Variants in FGD5 observed in about 807,000 individuals in gnomAD.
FGD5 encodes the protein FYVE, RhoGEF and PH domain containing 5.
A neutral mutation model predicts 133.4 loss-of-function variants in FGD5; 28 were observed. The ratio of observed to expected loss-of-function variants is 0.21; its 90% CI spans 0.16 to 0.29. FGD5 has a LOEUF of 0.29. Among genes scored for constraint, FGD5 ranks in the 10% least tolerant of loss-of-function variants. FGD5 has a pLI of 1.00. For missense variants in FGD5, 1,858 were observed against 1,895.2 expected, an observed-to-expected ratio of 0.98 and a Z score of 0.36; for synonymous variants, 810 against 776.5, an observed-to-expected ratio of 1.04 and a Z score of -0.72.
intron 3 of FGD5, 32 bp from the exon 4 acceptor site, chr3:14,880,710 T>A: frequency 6.2e-7 from 1 of 1,614,030 alleles, no homozygotes; most frequent in South Asian, 1.1e-5. Context: ...GGATGGGGAT[T>A]AATGCAGCCT....
At position 14,812,913 on chromosome 3, in the gene FGD5, T is replaced by C. The variant is rs192163793; in HGVS notation, c.13+2048T>C. 3.3e-5 allele frequency among the ~76,000 whole-genome samples: 5 copies of C among 152,360 alleles called. No homozygotes were observed. The East Asian group carries it at 9.6e-4, about 29-fold the overall frequency. ...GACTTGGTATTGCTTTTAGGTGTTTTACTTCTATCAGTTTATTTAGTTTTC... is the reference window on the plus strand; with the variant it reads ...GACTTGGTATTGCTTTTAGGTGTTTCACTTCTATCAGTTTATTTAGTTTTC... On this transcript the variant is annotated intron_variant, in intron 1 of 1. Coordinates refer to the FGD5 transcript ENST00000640506.
chr3:14,831,210 G>A (rs1369799836), intron 1 of FGD5, among the ~76,000 whole-genome samples: 1 of 152,174 alleles, frequency 6.6e-6, no homozygotes, highest in Non-Finnish European at 1.5e-5. Flanking sequence ...GAAGGCGATG[G>A]GAAGTCGGGT....
rs2125067735 is a variant in FGD5 at position 14,820,220 on chromosome 3, T to C, written c.1149T>C (p.Arg383=). ...ESEQAPKLGL[R]AEENPMVGAL... ...AGCAGGCACCAAAGCTGGGGCTGCG[T>C]GCGGAGGAGAACCCCATGGTGGGGG... is the stretch of plus-strand genomic sequence containing the variant. Residue 383 remains arginine (R), a synonymous_variant, in exon 1 of 20, where the codon CGT becomes CGC. Coordinates refer to ENST00000285046, the MANE Select transcript of FGD5 (RefSeq NM_152536.4). 1 of 1,609,594 alleles carries C rather than the reference T, an allele frequency of 6.2e-7. No individual in the cohort carries two copies. The highest frequency in any genetic ancestry group is 2.2e-5 in the East Asian group (1 of 44,808).
At chr3:14,915,016 TG>T (rs1392814891) in intron 11 of FGD5, among the ~76,000 whole-genome samples, 1 of 152,226 alleles carries the variant, frequency 6.6e-6, no homozygotes, top group Non-Finnish European at 1.5e-5. Context: ...TAAAGTTCTG[TG>T]GGAACACAGC....
intron 1 of FGD5, among the ~76,000 whole-genome samples, chr3:14,827,335 C>T (rs2036619966): frequency 7.0e-6 from 1 of 142,906 alleles, no homozygotes; most frequent in South Asian, 2.2e-4. Flanking sequence ...GTTGCCCAGG[C>T]TGGAGTGCAG....
chr3:14,913,132 C>G (rs2038483671), intron 11 of FGD5, among the ~76,000 whole-genome samples: 1 of 152,178 alleles, frequency 6.6e-6, no homozygotes, highest in South Asian at 2.1e-4. Context: ...CCATGGTACA[C>G]TTACTACTTC....
chr3:14,878,349 G>A (rs912468615), intron 2 of FGD5, among the ~76,000 whole-genome samples: 1 of 152,194 alleles, frequency 6.6e-6, no homozygotes, highest in African/African-American at 2.4e-5. Context: ...CACTGTCTCT[G>A]CTGCTACTGT....
In FGD5 at chr3:14,897,977, G is replaced by A. The variant is rs377139322; in HGVS notation, c.2948G>A (p.Arg983Gln). The A allele has an allele frequency of 1.2e-5, 20 of 1,613,816 alleles. No individual in the cohort carries two copies. Among genetic ancestry groups the A allele is most frequent in the Middle Eastern group, 1.6e-4 (1 of 6,084 alleles). Reference protein sequence around the residue: ...QQKVADVFLAREQGFDHHATH... With the variant: ...QQKVADVFLAQEQGFDHHATH... ...AAGGTAGCTGACGTCTTCCTGGCCCGGGAGCAGGGGTTTGATCACCACGCC... is the reference window on the plus strand; with the variant it reads ...AAGGTAGCTGACGTCTTCCTGGCCCAGGAGCAGGGGTTTGATCACCACGCC... Residue 983 changes from arginine (R) to glutamine (Q), a missense_variant, in exon 6 of 20, where the codon CGG (arginine) becomes CAG (glutamine). Arg to Gln is a conservative substitution (Grantham distance 43). Coordinates refer to ENST00000285046, the MANE Select transcript of FGD5 (RefSeq NM_152536.4).
chr3:14,875,099 A>T (rs1018636851), intron 2 of FGD5, among the ~76,000 whole-genome samples: 1 of 152,188 alleles, frequency 6.6e-6, no homozygotes, highest in Non-Finnish European at 1.5e-5. Context: ...TGCCTGCCCC[A>T]GTGGTCCCCA....
At chr3:14,847,286 A>G (rs748187608) in intron 1 of FGD5, among the ~76,000 whole-genome samples, 10 of 152,134 alleles carry the variant, frequency 6.6e-5, no homozygotes, top group African/African-American at 2.2e-4. Flanking sequence ...CACCCATGAG[A>G]TAGAGCAGGG....
chr3:14,889,241 C>T (rs1308242857), intron 4 of FGD5, among the ~76,000 whole-genome samples: 3 of 152,200 alleles, frequency 2.0e-5, no homozygotes, highest in Non-Finnish European at 4.4e-5. Flanking sequence ...TAGAACATTT[C>T]CATCATCCCA....
intron 2 of FGD5, among the ~76,000 whole-genome samples, chr3:14,872,723 C>T (rs2037635811): frequency 6.6e-6 from 1 of 152,220 alleles, no homozygotes; most frequent in South Asian, 2.1e-4. Context: ...CATGAAGGCA[C>T]TCAGTGCACA....
At chr3:14,851,613 T>A (rs2037166726) in intron 1 of FGD5, among the ~76,000 whole-genome samples, 4 of 152,200 alleles carry the variant, frequency 2.6e-5, no homozygotes. Flanking sequence ...TGAGACACCA[T>A]CACAGTGGTA....
intron 1 of FGD5, among the ~76,000 whole-genome samples, chr3:14,830,676 CT>C (rs1479675748): frequency 2.0e-5 from 3 of 152,210 alleles, no homozygotes; most frequent in African/African-American, 7.2e-5. Context: ...GGAGTGAAGT[CT>C]TTGTTCCAGC....
At chr3:14,843,759 C>T (rs1404880829) in intron 1 of FGD5, among the ~76,000 whole-genome samples, 8 of 143,432 alleles carry the variant, frequency 5.6e-5, no homozygotes, top group Admixed American at 4.4e-4. Context: ...GGCGTGATCT[C>T]GGCTTACTGC....
Position 14,820,759 on chromosome 3 carries a change from A to G in FGD5, c.1688A>G (p.Tyr563Cys), listed in dbSNP as rs755685067. Reference protein sequence around the residue: ...VEGREIPVSVYQEPEGSGLDD... With the variant: ...VEGREIPVSVCQEPEGSGLDD... Reference sequence around the variant, plus strand: ...GGCCGAGAGATTCCAGTGTCCGTGTACCAGGAGCCTGAGGGGTCAGGGTTG... The same window carrying G: ...GGCCGAGAGATTCCAGTGTCCGTGTGCCAGGAGCCTGAGGGGTCAGGGTTG... Residue 563 changes from tyrosine (Y) to cysteine (C), a missense_variant, in exon 1 of 20, where the codon TAC becomes TGC. Physicochemically the swap from Tyr to Cys is radical, Grantham distance 194. Coordinates refer to ENST00000285046, the MANE Select transcript of FGD5 (RefSeq NM_152536.4). The G allele has an allele frequency of 6.2e-6, 10 of 1,612,826 alleles. No homozygotes were observed. Among genetic ancestry groups the G allele is most frequent in the Non-Finnish European group, 8.5e-6 (10 of 1,179,512 alleles).
At chr3:14,903,767 A>T (rs1433970314) in intron 9 of FGD5, among the ~76,000 whole-genome samples, 1 of 152,124 alleles carries the variant, frequency 6.6e-6, no homozygotes, top group African/African-American at 2.4e-5. Context: ...TTGGTACAGG[A>T]TTATTAACCG....
chr3:14,826,437 A>G lies in FGD5; in HGVS notation c.2525+4841A>G, dbSNP rs185717395. Among the ~76,000 whole-genome samples the G allele has an allele frequency of 2.4e-3, 373 of 152,304 alleles. 3 individuals are homozygous for G. The highest frequency in any genetic ancestry group is 8.3e-3 in the African/African-American group (344 of 41,550). The stretch of plus-strand genomic sequence containing the variant: ...CGAGGAGAGCCTGTGAAAGCACCAC[A>G]GCTAAGCTCATAGGCTTTGGAGCCA... On this transcript the variant is annotated intron_variant, in intron 1 of 19. Coordinates refer to ENST00000285046, the MANE Select transcript of FGD5 (RefSeq NM_152536.4).
chr3:14,823,921 C>T (rs1388546538), intron 1 of FGD5, among the ~76,000 whole-genome samples: 1 of 152,202 alleles, frequency 6.6e-6, no homozygotes, highest in Non-Finnish European at 1.5e-5. Context: ...ATATCTAAGA[C>T]AACGCTAAAG....
Sources: allele counts gnomAD v4.1 joint callset (sites outside exome capture counted in the v4.1 genomes callset), GRCh38; gene constraint gnomAD v4.1.1; transcripts MANE v1.5; gene names NCBI Gene and HGNC (gene_info 2026-07-23, HGNC 2026-07-21).